The following CNTN3 variants were observed in gnomAD, a reference collection of about 807,000 sequenced individuals.
The protein encoded by CNTN3 is contactin-3.
A neutral mutation model predicts 119.1 loss-of-function variants in CNTN3; 60 were observed. That is an observed-to-expected ratio of 0.50 (90% confidence interval 0.41 to 0.62). CNTN3 has a LOEUF of 0.62. Among genes scored for constraint, CNTN3 ranks in the 20% least tolerant of loss-of-function variants. The pLI is 0.00. For synonymous variants in CNTN3, 450 were observed against 438.7 expected (o/e 1.03, Z -0.32); for missense variants, 1,101 against 1,242.4 (o/e 0.89, Z 1.71).
chr3:74,484,140 C>T (rs985586087), intron 4 of CNTN3, among the ~76,000 whole-genome samples: 1 of 152,086 alleles, frequency 6.6e-6, no homozygotes, highest in Non-Finnish European at 1.5e-5. Flanking sequence ...CTGCGAATTG[C>T]TCATCTGCCA....
At chr3:74,289,550 C>CT (rs959854592) in intron 19 of CNTN3, among the ~76,000 whole-genome samples, 7 of 151,586 alleles carry the variant, frequency 4.6e-5, no homozygotes, top group South Asian at 2.1e-4. Context: ...CACTGGTTTG[C>CT]TTTTTTTTTC....
chr3:74,309,849 T>C (rs2106834450), intron 13 of CNTN3, among the ~76,000 whole-genome samples: 1 of 152,314 alleles, frequency 6.6e-6, no homozygotes, highest in South Asian at 2.1e-4. Flanking sequence ...GCAAGAAAAC[T>C]AGTATTTGTG....
intron 20 of CNTN3, among the ~76,000 whole-genome samples, chr3:74,272,282 C>T (rs1701792606): frequency 1.3e-5 from 2 of 152,180 alleles, no homozygotes; most frequent in African/African-American, 4.8e-5. Flanking sequence ...GGCTCTCTGG[C>T]TGTGGGTTGG....
intron 4 of CNTN3, among the ~76,000 whole-genome samples, chr3:74,456,160 G>T (rs1441163207): frequency 6.6e-6 from 1 of 151,916 alleles, no homozygotes; most frequent in African/African-American, 2.4e-5. Flanking sequence ...TTAGGAAATG[G>T]GGTGGGAAGA....
At chr3:74,405,899 C>T (rs1354817695) in intron 5 of CNTN3, among the ~76,000 whole-genome samples, 1 of 152,048 alleles carries the variant, frequency 6.6e-6, no homozygotes, top group South Asian at 2.1e-4. Context: ...TCAGAAGATA[C>T]AATGACAAGA....
At chr3:74,422,685 A>G (rs762514942) in intron 5 of CNTN3, among the ~76,000 whole-genome samples, 6 of 152,182 alleles carry the variant, frequency 3.9e-5, no homozygotes, top group Non-Finnish European at 7.4e-5. Flanking sequence ...GGAATTTTAA[A>G]TTGGGTCAAC....
At chr3:74,547,873 G>A (rs546561909) in intron 1 of CNTN3, among the ~76,000 whole-genome samples, 47 of 152,120 alleles carry the variant, frequency 3.1e-4, no homozygotes, top group African/African-American at 8.7e-4. Context: ...TGTTTCTCCC[G>A]CCACAAAATT....
chr3:74,364,703 G>T, intron 9 of CNTN3, 107 bp from the exon 10 acceptor site: 1 of 976,324 alleles, frequency 1.0e-6, no homozygotes, highest in Non-Finnish European at 1.5e-6. Context: ...ATTTTTCTGA[G>T]AGTATTAGAC....
chr3:74,576,394 T>A (rs1436538720), intron 1 of CNTN3, among the ~76,000 whole-genome samples: 1 of 152,056 alleles, frequency 6.6e-6, no homozygotes, highest in East Asian at 1.9e-4. Flanking sequence ...AGATAATATG[T>A]CAAGTAAAAA....
intron 4 of CNTN3, among the ~76,000 whole-genome samples, chr3:74,471,034 G>A (rs777143898): frequency 1.3e-5 from 2 of 151,884 alleles, no homozygotes; most frequent in African/African-American, 2.4e-5. Flanking sequence ...GTGCCACCAC[G>A]CCTAGCTAAT....
intron 5 of CNTN3, among the ~76,000 whole-genome samples, chr3:74,412,617 C>T (rs1183400511): frequency 6.6e-6 from 1 of 152,086 alleles, no homozygotes; most frequent in Non-Finnish European, 1.5e-5. Context: ...TAAAGAATAT[C>T]CTTAAAGGAG....
chr3:74,504,135 G>A (rs1236698834), intron 2 of CNTN3, among the ~76,000 whole-genome samples: 15 of 152,058 alleles, frequency 9.9e-5, no homozygotes, highest in Admixed American at 9.8e-4. Context: ...AGACAATGAT[G>A]GTATCTGAAA....
chr3:74,529,147 A>G, intron 1 of CNTN3, among the ~76,000 whole-genome samples: 1 of 151,970 alleles, frequency 6.6e-6, no homozygotes, highest in East Asian at 1.9e-4. Flanking sequence ...TGGGGTCAGG[A>G]AGAGAATAGA....
chr3:74,425,572 A>G (rs903660823), intron 4 of CNTN3, among the ~76,000 whole-genome samples: 5 of 152,198 alleles, frequency 3.3e-5, no homozygotes, highest in Non-Finnish European at 5.9e-5. Context: ...AACTAACCAG[A>G]CAATATAATT....
intron 4 of CNTN3, among the ~76,000 whole-genome samples, chr3:74,461,491 G>C (rs1402763099): frequency 2.6e-5 from 4 of 151,942 alleles, no homozygotes; most frequent in Non-Finnish European, 4.4e-5. Flanking sequence ...TTTATATTAA[G>C]GATCAATAAT....
At chr3:74,405,506 A>G (rs1009047874) in intron 5 of CNTN3, among the ~76,000 whole-genome samples, 1 of 152,092 alleles carries the variant, frequency 6.6e-6, no homozygotes, top group Non-Finnish European at 1.5e-5. Flanking sequence ...GCAAAATAGC[A>G]TCTTTCAAAT....
chr3:74,391,296 G>T (rs6549591), intron 5 of CNTN3, among the ~76,000 whole-genome samples: 29,077 of 150,500 alleles, frequency 0.19, 2,964 homozygotes, highest in South Asian at 0.33. Context: ...ACTAGTAAAT[G>T]TTTGTTTACT....
intron 1 of CNTN3, among the ~76,000 whole-genome samples, chr3:74,587,686 G>C (rs1403499945): frequency 6.6e-6 from 1 of 152,140 alleles, no homozygotes; most frequent in Non-Finnish European, 1.5e-5. Flanking sequence ...TTCTTAAGGA[G>C]ATTTTGGGCT....
chr3:74,579,208 G>A (rs1052978273), intron 1 of CNTN3, among the ~76,000 whole-genome samples: 7 of 151,950 alleles, frequency 4.6e-5, no homozygotes, highest in South Asian at 2.1e-4. Context: ...AGGAGATAAC[G>A]ATTTTGAATG....
Sources: allele counts gnomAD v4.1 joint callset (sites outside exome capture counted in the v4.1 genomes callset), GRCh38; gene constraint gnomAD v4.1.1; transcripts MANE v1.5; gene names NCBI Gene and HGNC (gene_info 2026-07-23, HGNC 2026-07-21).